Variants in ATG5 observed in about 807,000 individuals in gnomAD.
The protein encoded by ATG5 is autophagy related 5.
ATG5 carries 14 observed loss-of-function variants against 36.5 expected under a neutral mutation model. That is an observed-to-expected ratio of 0.38 (90% CI 0.25 to 0.60). ATG5 has a LOEUF of 0.60. ATG5 is among the 20% of genes least tolerant of loss of function. The pLI is 0.60. For synonymous variants in ATG5, 95 were observed against 101.5 expected (o/e 0.94, Z 0.38); for missense variants, 195 against 326.7 (o/e 0.60, Z 3.11).
chr6:106,271,158 C>T (rs948598182), intron 5 of ATG5, among the ~76,000 whole-genome samples: 2 of 152,186 alleles, frequency 1.3e-5, no homozygotes, highest in African/African-American at 4.8e-5. Context: ...TAATTTGGTT[C>T]TTTCTCATCT....
chr6:106,283,603 A>C (rs1779963864), intron 4 of ATG5: 1 of 152,036 alleles, frequency 6.6e-6, no homozygotes, highest in African/African-American at 2.4e-5. Flanking sequence ...TTAGTGTGGA[A>C]ATTCAATCGG....
At chr6:106,322,130 G>C (rs576249327) in intron 1 of ATG5, among the ~76,000 whole-genome samples, 140 of 152,252 alleles carry the variant, frequency 9.2e-4, no homozygotes, top group African/African-American at 2.8e-3. Flanking sequence ...CAATCTACTA[G>C]AAGTAAGTTT....
intron 3 of ATG5, among the ~76,000 whole-genome samples, chr6:106,302,261 C>A (rs1221439307): frequency 1.3e-5 from 2 of 151,926 alleles, no homozygotes; most frequent in Admixed American, 1.3e-4. Flanking sequence ...GAAACGGAAG[C>A]CCAAAACATT....
chr6:106,215,815 A>C (rs1777015065), intron 6 of ATG5, among the ~76,000 whole-genome samples: 1 of 152,228 alleles, frequency 6.6e-6, no homozygotes, highest in African/African-American at 2.4e-5. Context: ...CATCAAGAAA[A>C]TAAATCCCAC....
chr6:106,273,755 A>C (rs776103219), intron 5 of ATG5, among the ~76,000 whole-genome samples: 4 of 152,230 alleles, frequency 2.6e-5, no homozygotes, highest in Non-Finnish European at 2.9e-5. Context: ...TACTATAAGC[A>C]GAAGTAGTAA....
intron 4 of ATG5, chr6:106,283,571 G>A (rs891843821): frequency 6.6e-6 from 1 of 152,112 alleles, no homozygotes; most frequent in Non-Finnish European, 1.5e-5. Context: ...GCTCCCAGGA[G>A]GTCACCGTAT....
intron 6 of ATG5, among the ~76,000 whole-genome samples, chr6:106,228,446 C>A (rs1777534532): frequency 6.6e-6 from 1 of 152,204 alleles, no homozygotes; most frequent in African/African-American, 2.4e-5. Context: ...ACACTAGTCA[C>A]TGGGTTCCAC....
intron 7 of ATG5, among the ~76,000 whole-genome samples, chr6:106,198,749 C>A (rs2114343512): frequency 6.6e-6 from 1 of 150,418 alleles, no homozygotes; most frequent in South Asian, 2.1e-4. Flanking sequence ...GCGCTCCAAC[C>A]TGGGTGACAG....
intron 2 of ATG5, among the ~76,000 whole-genome samples, chr6:106,309,103 G>T (rs750510757): frequency 5.9e-5 from 9 of 152,142 alleles, no homozygotes; most frequent in Non-Finnish European, 1.2e-4. Context: ...GTAGATAAAA[G>T]AAGGAGCTTG....
chr6:106,237,833 G>A (rs1481243856), intron 6 of ATG5, among the ~76,000 whole-genome samples: 1 of 152,164 alleles, frequency 6.6e-6, no homozygotes, highest in Non-Finnish European at 1.5e-5. Flanking sequence ...ATATATTTAT[G>A]CAGTCCCTAT....
At chr6:106,196,987 T>G (rs539376196) in intron 7 of ATG5, among the ~76,000 whole-genome samples, 206 of 152,232 alleles carry the variant, frequency 1.4e-3, no homozygotes, top group Non-Finnish European at 2.3e-3. Context: ...AAAACACAAA[T>G]GTATCAAGGG....
At chr6:106,265,098 T>A (rs1779175674) in intron 5 of ATG5, among the ~76,000 whole-genome samples, 1 of 145,766 alleles carries the variant, frequency 6.9e-6, no homozygotes, top group South Asian at 2.2e-4. Context: ...AGGAGACCCA[T>A]CTCACATGCA....
At chr6:106,251,727 AAG>A (rs924553803) in intron 5 of ATG5, among the ~76,000 whole-genome samples, 5 of 147,426 alleles carry the variant, frequency 3.4e-5, no homozygotes, top group East Asian at 2.0e-4. Flanking sequence ...AAGAAAGAGA[AAG>A]AGAAAGAAAG....
intron 6 of ATG5, among the ~76,000 whole-genome samples, chr6:106,208,292 T>C (rs944814405): frequency 1.5e-5 from 2 of 137,106 alleles, no homozygotes; most frequent in Non-Finnish European, 3.3e-5. Flanking sequence ...ATGGAGATAA[T>C]ACCTACATTA....
chr6:106,204,393 T>A (rs536826350), intron 6 of ATG5, among the ~76,000 whole-genome samples: 1 of 152,342 alleles, frequency 6.6e-6, no homozygotes, highest in South Asian at 2.1e-4. Flanking sequence ...TTGTAATTTT[T>A]AAAAAATCTT....
At chr6:106,269,262 A>C (rs1251514973) in intron 5 of ATG5, among the ~76,000 whole-genome samples, 1 of 152,136 alleles carries the variant, frequency 6.6e-6, no homozygotes, top group African/African-American at 2.4e-5. Flanking sequence ...ACAAACCTTG[A>C]GCTAGATACA....
intron 5 of ATG5, among the ~76,000 whole-genome samples, chr6:106,276,762 TACACG>T (rs1277824536): frequency 2.6e-5 from 4 of 152,338 alleles, no homozygotes; most frequent in Middle Eastern, 3.4e-3. Flanking sequence ...CTTCTCTCTT[TACACG>T]ATCCTCATCT....
At chr6:106,305,633 T>C (rs540645806) in intron 3 of ATG5, among the ~76,000 whole-genome samples, 7 of 152,224 alleles carry the variant, frequency 4.6e-5, no homozygotes, top group Non-Finnish European at 1.0e-4. Context: ...AGAATAAATA[T>C]AGGAAGGACG....
intron 1 of ATG5, among the ~76,000 whole-genome samples, chr6:106,323,260 CTTTTTTTTTTTTTT>C (rs71274321): frequency 4.7e-5 from 3 of 64,222 alleles, no homozygotes; most frequent in Non-Finnish European, 8.1e-5. Context: ...TGGAAAAGTC[CTTTTTTTTTTTTTT>C]TTTTTTTTTT....
Sources: allele counts gnomAD v4.1 joint callset (sites outside exome capture counted in the v4.1 genomes callset), GRCh38; gene constraint gnomAD v4.1.1; transcripts MANE v1.5; gene names NCBI Gene and HGNC (gene_info 2026-07-23, HGNC 2026-07-21).